ANTXR1: variants seen among roughly 807,000 people sequenced by gnomAD.
ANTXR1 encodes ANTXR cell adhesion molecule 1, also known as anthrax toxin receptor 1.
Under a neutral mutation model 78.1 loss-of-function variants are expected in ANTXR1, and 19 were observed. The observed-to-expected ratio is 0.24, with a 90% confidence interval of 0.17 to 0.36. The LOEUF (loss-of-function observed/expected upper bound fraction) is 0.36. ANTXR1 is among the 10% of genes least tolerant of loss of function. The probability of loss-of-function intolerance (pLI) is 1.00; values close to 1 mark genes in which losing one functional copy is unlikely to be tolerated. For missense variants in ANTXR1, 518 were observed against 718.6 expected (o/e 0.72, Z 3.19); for synonymous variants, 273 against 260.5 (o/e 1.05, Z -0.46).
chr2:69,099,624 G>A (rs1273407104), intron 9 of ANTXR1, among the ~76,000 whole-genome samples: 1 of 152,156 alleles, frequency 6.6e-6, no homozygotes, highest in African/African-American at 2.4e-5. Flanking sequence ...TTTCTCTTCA[G>A]CAATCATAGT....
chr2:69,116,392 T>C (rs183811022), intron 10 of ANTXR1, among the ~76,000 whole-genome samples: 1 of 152,368 alleles, frequency 6.6e-6, no homozygotes, highest in Admixed American at 6.5e-5. Flanking sequence ...TTACAGATTT[T>C]TCCACAGTAT....
At chr2:69,142,009 TTTAAA>T (rs1400362759) in intron 12 of ANTXR1, among the ~76,000 whole-genome samples, 23 of 152,234 alleles carry the variant, frequency 1.5e-4, no homozygotes, top group South Asian at 4.1e-4. Flanking sequence ...AGTGTATGTC[TTTAAA>T]TTAACTACTA....
intron 17 of ANTXR1, among the ~76,000 whole-genome samples, chr2:69,207,351 C>T (rs1674929866): frequency 6.6e-6 from 1 of 152,138 alleles, no homozygotes; most frequent in South Asian, 2.1e-4. Flanking sequence ...AACCATGGCA[C>T]AAACTGTTCC....
chr2:69,225,443 G>T (rs181562671), intron 17 of ANTXR1, among the ~76,000 whole-genome samples: 1 of 152,102 alleles, frequency 6.6e-6, no homozygotes, highest in Non-Finnish European at 1.5e-5. Flanking sequence ...TCATGACACC[G>T]CACTCTAGCC....
intron 17 of ANTXR1, among the ~76,000 whole-genome samples, chr2:69,241,124 C>A (rs72903171): frequency 5.9e-5 from 9 of 152,084 alleles, no homozygotes; most frequent in African/African-American, 1.9e-4. Context: ...AATCTTGGAT[C>A]GGAATCAAAC....
chr2:69,014,048 G>A (rs1670949573), intron 1 of ANTXR1, among the ~76,000 whole-genome samples: 2 of 152,198 alleles, frequency 1.3e-5, no homozygotes, highest in Admixed American at 6.5e-5. Flanking sequence ...AGAGGCTTGG[G>A]CATTTTAAAG....
chr2:69,203,190 T>C (rs568726864), intron 17 of ANTXR1, among the ~76,000 whole-genome samples: 4 of 152,304 alleles, frequency 2.6e-5, no homozygotes, highest in African/African-American at 9.6e-5. Flanking sequence ...TCCTGACCTT[T>C]TATAAATTTT....
chr2:69,092,829 G>A (rs1671283284), intron 9 of ANTXR1, among the ~76,000 whole-genome samples: 1 of 152,232 alleles, frequency 6.6e-6, no homozygotes, highest in Non-Finnish European at 1.5e-5. Flanking sequence ...GCTTCAGGTA[G>A]AGGAATTGAG....
At chr2:69,232,167 T>G (rs1183745606) in intron 17 of ANTXR1, among the ~76,000 whole-genome samples, 1 of 152,086 alleles carries the variant, frequency 6.6e-6, no homozygotes, top group Non-Finnish European at 1.5e-5. Flanking sequence ...ACAACCACCC[T>G]TGGACTTCAA....
At chr2:69,239,890 T>C (rs1301725691) in intron 17 of ANTXR1, among the ~76,000 whole-genome samples, 1 of 152,232 alleles carries the variant, frequency 6.6e-6, no homozygotes, top group Non-Finnish European at 1.5e-5. Flanking sequence ...TTTCAGAATA[T>C]GTCACCTCCA....
At chr2:69,136,257 G>A (rs1019945763) in intron 12 of ANTXR1, among the ~76,000 whole-genome samples, 2 of 152,114 alleles carry the variant, frequency 1.3e-5, no homozygotes, top group Admixed American at 6.5e-5. Context: ...ATTCACAGTG[G>A]AAAATAAGAA....
At chr2:69,037,671 T>C (rs1213813370) in intron 1 of ANTXR1, among the ~76,000 whole-genome samples, 1 of 152,046 alleles carries the variant, frequency 6.6e-6, no homozygotes, top group Non-Finnish European at 1.5e-5. Flanking sequence ...GGTTTCGCCA[T>C]GTTAGCCAGG....
intron 9 of ANTXR1, among the ~76,000 whole-genome samples, chr2:69,093,218 G>A (rs927924518): frequency 1.3e-5 from 2 of 152,032 alleles, no homozygotes; most frequent in Admixed American, 6.6e-5. Context: ...TCATGTATTC[G>A]TTAAAAAAAC....
chr2:69,177,935 G>C (rs1179686191), intron 14 of ANTXR1, among the ~76,000 whole-genome samples: 2 of 152,070 alleles, frequency 1.3e-5, no homozygotes, highest in Non-Finnish European at 2.9e-5. Context: ...ACAGCAATTG[G>C]GCTCATCCAG....
intron 1 of ANTXR1, among the ~76,000 whole-genome samples, chr2:69,039,103 C>T (rs1558738028): frequency 1.3e-5 from 2 of 152,080 alleles, no homozygotes; most frequent in Non-Finnish European, 1.5e-5. Flanking sequence ...ACTCTAACCT[C>T]AACAGTTATT....
chr2:69,056,319 T>C (rs537839233), intron 3 of ANTXR1, among the ~76,000 whole-genome samples: 9 of 152,326 alleles, frequency 5.9e-5, no homozygotes, highest in Admixed American at 5.9e-4. Flanking sequence ...TCAGCTCCTT[T>C]ACCACCAGTG....
chr2:69,181,321 G>A (rs1056110937), intron 14 of ANTXR1, among the ~76,000 whole-genome samples: 1 of 152,186 alleles, frequency 6.6e-6, no homozygotes, highest in African/African-American at 2.4e-5. Context: ...AGAAGAGAGA[G>A]GCAGTGGGGA....
intron 8 of ANTXR1, among the ~76,000 whole-genome samples, chr2:69,086,069 C>T (rs1671039822): frequency 6.6e-6 from 1 of 152,178 alleles, no homozygotes; most frequent in Non-Finnish European, 1.5e-5. Flanking sequence ...GACACCTATA[C>T]CATCAAGGGA....
At chr2:69,121,787 G>A (rs903214812) in intron 10 of ANTXR1, among the ~76,000 whole-genome samples, 4 of 152,140 alleles carry the variant, frequency 2.6e-5, no homozygotes, top group African/African-American at 7.2e-5. Context: ...TACAGCACAT[G>A]TACCCAATCA....
Sources: allele counts gnomAD v4.1 joint callset (sites outside exome capture counted in the v4.1 genomes callset), GRCh38; gene constraint gnomAD v4.1.1; transcripts MANE v1.5; gene names NCBI Gene and HGNC (gene_info 2026-07-23, HGNC 2026-07-21).